SNRPN: variants seen among roughly 807,000 people sequenced by gnomAD.
The protein encoded by SNRPN is small nuclear ribonucleoprotein polypeptide N.
In SNRPN, 7 loss-of-function variants were observed where a neutral mutation model predicts 25.2. The ratio of observed to expected loss-of-function variants is 0.28; its 90% confidence interval spans 0.16 to 0.52. The LOEUF (loss-of-function observed/expected upper bound fraction) is 0.52. Ranked by LOEUF, SNRPN falls within the 20% of genes least tolerant of loss-of-function variation. SNRPN has a pLI of 0.96. For missense variants in SNRPN, 196 were observed against 322.5 expected, an observed-to-expected ratio of 0.61 and a Z score of 3.00; for synonymous variants, 124 against 110.6, an observed-to-expected ratio of 1.12 and a Z score of -0.76.
intron 2 of SNRPN, among the ~76,000 whole-genome samples, chr15:24,896,059 G>A (rs2058065320): frequency 6.6e-6 from 1 of 152,204 alleles, no homozygotes; most frequent in African/African-American, 2.4e-5. Flanking sequence ...TTAGGTAGAA[G>A]TTAAAGATGC....
At chr15:24,964,280 G>A (rs566647516) in intron 2 of SNRPN, among the ~76,000 whole-genome samples, 2 of 151,924 alleles carry the variant, frequency 1.3e-5, no homozygotes, top group South Asian at 2.1e-4. Context: ...TAGGTTATTC[G>A]ATCATTCATT....
At chr15:24,859,089 G>C (rs2053738343) in intron 1 of SNRPN, among the ~76,000 whole-genome samples, 1 of 152,080 alleles carries the variant, frequency 6.6e-6, no homozygotes, top group South Asian at 2.1e-4. Context: ...GATTAGTTCA[G>C]ACTGTGCGAC....
rs1473094837 is a variant in SNRPN, at chr15:24,863,981, TG to T, written c.-579+7266del. On this transcript the variant is annotated intron_variant, in intron 1 of 11. Coordinates refer to the SNRPN transcript ENST00000400097. ...GAAATTTAGATTATCGATTTTTAGA[TG>T]TTTTTTCTTTTTTAAATTTTATTTA... Among the ~76,000 whole-genome samples the T allele has an allele frequency of 1.3e-5, 2 of 149,908 alleles. 1 individual carries two copies. Among genetic ancestry groups the T allele is most frequent in the African/African-American group, 5.0e-5 (2 of 40,232 alleles).
At chr15:24,974,820 A>G (rs752898731) in intron 4 of SNRPN, 19 of 662,716 alleles carry the variant, frequency 2.9e-5, no homozygotes, top group Non-Finnish European at 4.1e-5. Flanking sequence ...CGGCCTCCCA[A>G]AGTGCTGGGA....
chr15:24,879,127 C>T (rs1021732245), intron 1 of SNRPN, among the ~76,000 whole-genome samples: 5 of 152,102 alleles, frequency 3.3e-5, no homozygotes, highest in East Asian at 1.9e-4. Context: ...TTTTCCGCCA[C>T]GTATTCTTTT....
At chr15:24,954,802 G>C, upstream of SNRPN, 2 of 582,752 alleles carry the variant, frequency 3.4e-6, no homozygotes, top group Admixed American at 3.0e-5. Context: ...CCCTCTCATT[G>C]CAACAGTGCT....
intron 2 of SNRPN, among the ~76,000 whole-genome samples, chr15:24,843,770 G>C (rs113164530): frequency 8.2e-5 from 11 of 133,528 alleles, no homozygotes; most frequent in Non-Finnish European, 1.6e-4. Context: ...CTGGATGACA[G>C]AGTGAGACTC....
At chr15:24,834,728 C>CCTCTCCCTCTCTCTCTCTCTCTCTCT (rs1555376611) in intron 2 of SNRPN, among the ~76,000 whole-genome samples, 7 of 42,800 alleles carry the variant, frequency 1.6e-4, no homozygotes, top group African/African-American at 4.6e-4. Context: ...TCTCTCTCTC[C>CCTCTCCCTCTCTCTCTCTCTCTCTCT]CTCTCTCTCT....
upstream of SNRPN, among the ~76,000 whole-genome samples, chr15:24,856,052 C>G (rs921504170): frequency 2.6e-5 from 4 of 152,020 alleles, no homozygotes; most frequent in African/African-American, 9.7e-5. Flanking sequence ...TTTGCTCTCT[C>G]CTTTTTTTTT....
intron 2 of SNRPN, among the ~76,000 whole-genome samples, chr15:24,919,602 A>G (rs1045593629): frequency 3.3e-5 from 5 of 152,148 alleles, no homozygotes; most frequent in Admixed American, 6.6e-5. Context: ...GAAAATTACC[A>G]ATGAGAAACC....
At chr15:24,921,885 T>C (rs151261796) in intron 3 of SNRPN, among the ~76,000 whole-genome samples, 5 of 152,016 alleles carry the variant, frequency 3.3e-5, no homozygotes, top group Non-Finnish European at 7.4e-5. Flanking sequence ...TTTCCACCTG[T>C]TATATGTTAG....
At chr15:24,919,002 T>G (rs1442055119) in intron 2 of SNRPN, among the ~76,000 whole-genome samples, 1 of 138,346 alleles carries the variant, frequency 7.2e-6, no homozygotes, top group Non-Finnish European at 1.6e-5. Flanking sequence ...TGCGCATATA[T>G]ATATAACATA....
intron 1 of SNRPN, among the ~76,000 whole-genome samples, chr15:24,825,165 C>T (rs561470948): frequency 2.0e-5 from 3 of 152,000 alleles, no homozygotes; most frequent in Admixed American, 6.5e-5. Flanking sequence ...CAGTCAGGCA[C>T]TCGGGGTTTC....
At chr15:24,837,559 C>T (rs546077634) in intron 2 of SNRPN, among the ~76,000 whole-genome samples, 14 of 151,510 alleles carry the variant, frequency 9.2e-5, no homozygotes, top group East Asian at 3.9e-4. Flanking sequence ...TTGGTAGAGA[C>T]GGGGTTTCAC....
At chr15:24,956,897 G>T (rs2063015704) in intron 1 of SNRPN, among the ~76,000 whole-genome samples, 2 of 152,198 alleles carry the variant, frequency 1.3e-5, no homozygotes, top group Admixed American at 6.5e-5. Flanking sequence ...AGTGGTGGCG[G>T]CCTGGAGGCC....
At chr15:24,972,424 T>C (rs1015335387) in intron 3 of SNRPN, among the ~76,000 whole-genome samples, 8 of 151,866 alleles carry the variant, frequency 5.3e-5, no homozygotes, top group African/African-American at 1.7e-4. Flanking sequence ...TGTGGAGGTC[T>C]TTGTTTGCTT....
At chr15:24,887,105 C>T (rs1055107758) in intron 2 of SNRPN, among the ~76,000 whole-genome samples, 3 of 151,410 alleles carry the variant, frequency 2.0e-5, no homozygotes, top group East Asian at 1.9e-4. Flanking sequence ...TATCATCTTC[C>T]GGTCCTATAG....
chr15:24,960,410 A>T (rs1402820909), intron 1 of SNRPN, among the ~76,000 whole-genome samples: 1 of 151,910 alleles, frequency 6.6e-6, no homozygotes, highest in Non-Finnish European at 1.5e-5. Context: ...GCATGATCTC[A>T]GGTCACTGCA....
intron 2 of SNRPN, chr15:24,849,295 A>G (rs2145390954): frequency 6.6e-6 from 1 of 152,320 alleles, no homozygotes; most frequent in South Asian, 2.1e-4. Flanking sequence ...CCCTTATTCC[A>G]TCACCTCATC....
Sources: allele counts gnomAD v4.1 joint callset (sites outside exome capture counted in the v4.1 genomes callset), GRCh38; gene constraint gnomAD v4.1.1; transcripts MANE v1.5; gene names NCBI Gene and HGNC (gene_info 2026-07-23, HGNC 2026-07-21).